ARHGAP42: variants seen among roughly 807,000 people sequenced by gnomAD.
The protein encoded by ARHGAP42 is rho GTPase-activating protein 42.
In ARHGAP42, 63 loss-of-function variants were observed where a neutral mutation model predicts 125.0. The ratio of observed to expected loss-of-function variants is 0.50; its 90% CI spans 0.41 to 0.62. The LOEUF (loss-of-function observed/expected upper bound fraction) is 0.62, where lower values mean the gene tolerates loss of function less well. Ranked by LOEUF, ARHGAP42 falls within the 20% of genes least tolerant of loss-of-function variation. The pLI is 0.00. For synonymous variants in ARHGAP42, 339 were observed against 351.0 expected (o/e 0.97, Z 0.38); for missense variants, 766 against 1,024.2 (o/e 0.75, Z 3.44).
chr11:100,723,711 CA>C (rs1861805006), intron 1 of ARHGAP42, among the ~76,000 whole-genome samples: 1 of 152,024 alleles, frequency 6.6e-6, no homozygotes, highest in African/African-American at 2.4e-5. Context: ...CATCTGTAAA[CA>C]AAAACTTTTT....
chr11:100,962,502 G>A, intron 16 of ARHGAP42, 35 bp downstream of exon 16: 2 of 1,492,014 alleles, frequency 1.3e-6, no homozygotes, highest in Non-Finnish European at 1.8e-6. Flanking sequence ...CATTATAATT[G>A]ATGTAGTTTT....
At chr11:100,881,802 G>A (rs1261546677) in intron 4 of ARHGAP42, among the ~76,000 whole-genome samples, 2 of 152,044 alleles carry the variant, frequency 1.3e-5, no homozygotes, top group East Asian at 1.9e-4. Context: ...ATCTTGGTTA[G>A]GTGTATTCCT....
In ARHGAP42 at chr11:100,749,867, C is replaced by T. The variant is rs145119781; in HGVS notation, c.155-20476C>T. 1.9e-3 allele frequency among the ~76,000 whole-genome samples: 287 copies of T among 152,246 alleles called. 3 individuals are homozygous for T. The highest frequency in any genetic ancestry group is 3.0e-3 in the Non-Finnish European group (203 of 68,018). On this transcript the variant is annotated intron_variant, in intron 1 of 23. Transcript: ENST00000298815. Reference sequence around the variant, plus strand: ...TTTGACCACCAAGGAGGTACTTTACCGGCTCCCGCAGCTTCTCCTTATTTG... The same window carrying T: ...TTTGACCACCAAGGAGGTACTTTACTGGCTCCCGCAGCTTCTCCTTATTTG...
intron 12 of ARHGAP42, among the ~76,000 whole-genome samples, chr11:100,958,215 G>A (rs562854472): frequency 6.6e-6 from 1 of 151,944 alleles, no homozygotes; most frequent in Non-Finnish European, 1.5e-5. Context: ...ATTTTAAAAT[G>A]TCTGAATGCT....
chr11:100,800,432 G>T (rs572401706), intron 3 of ARHGAP42, among the ~76,000 whole-genome samples: 20 of 152,282 alleles, frequency 1.3e-4, no homozygotes, highest in Non-Finnish European at 2.1e-4. Flanking sequence ...ATGTAGCTGA[G>T]CTGGGAGACA....
chr11:100,956,944 A>G (rs1485437772), intron 12 of ARHGAP42, among the ~76,000 whole-genome samples: 4 of 152,106 alleles, frequency 2.6e-5, no homozygotes, highest in Non-Finnish European at 4.4e-5. Context: ...TGCAGGAAGG[A>G]TGCCTTATTC....
At chr11:100,962,565 TC>T in intron 16 of ARHGAP42, 98 bp downstream of exon 16, 1 of 1,133,870 alleles carries the variant, frequency 8.8e-7, no homozygotes, top group Admixed American at 2.3e-5. Context: ...AAGATTTTTT[TC>T]AAGTATTGCT....
At chr11:100,713,691 A>T (rs919699234) in intron 1 of ARHGAP42, among the ~76,000 whole-genome samples, 15 of 152,202 alleles carry the variant, frequency 9.9e-5, no homozygotes, top group African/African-American at 3.4e-4. Context: ...ATTTTAAGGT[A>T]TTTACCCAAA....
At chr11:100,741,320 C>T (rs1449575530) in intron 1 of ARHGAP42, among the ~76,000 whole-genome samples, 4 of 152,128 alleles carry the variant, frequency 2.6e-5, no homozygotes, top group African/African-American at 9.7e-5. Flanking sequence ...CGTGAGCCAC[C>T]GCCCCTGGCC....
At chr11:100,796,390 T>G (rs58626072) in intron 3 of ARHGAP42, among the ~76,000 whole-genome samples, 36,753 of 152,108 alleles carry the variant, frequency 0.24, 4,631 homozygotes, top group Non-Finnish European at 0.28. Context: ...GCCTGAAACA[T>G]GAATATATTG....
chr11:100,725,969 G>A (rs139995640), intron 1 of ARHGAP42, among the ~76,000 whole-genome samples: 1 of 149,602 alleles, frequency 6.7e-6, no homozygotes, highest in East Asian at 2.0e-4. Flanking sequence ...ATGGTGGTGC[G>A]TACCTGTAGT....
chr11:100,831,981 C>T (rs112767350), intron 3 of ARHGAP42, among the ~76,000 whole-genome samples: 2,697 of 152,268 alleles, frequency 0.018, 39 homozygotes, highest in Non-Finnish European at 0.025. Flanking sequence ...TAGTAAATAA[C>T]GAATTTTTGT....
chr11:100,762,970 A>ATTTTTTTTTTT (rs553749625), intron 1 of ARHGAP42, among the ~76,000 whole-genome samples: 1 of 84,992 alleles, frequency 1.2e-5, no homozygotes, highest in Non-Finnish European at 2.2e-5. Flanking sequence ...GTTTATAGTG[A>ATTTTTTTTTTT]TTTTTTTTTT....
chr11:100,762,248 C>A (rs1475997694), intron 1 of ARHGAP42, among the ~76,000 whole-genome samples: 1 of 152,218 alleles, frequency 6.6e-6, no homozygotes, highest in Non-Finnish European at 1.5e-5. Flanking sequence ...GATTTACCAA[C>A]TTTAAAGTGC....
intron 2 of ARHGAP42, among the ~76,000 whole-genome samples, chr11:100,778,698 C>G (rs1012254805): frequency 6.6e-6 from 1 of 151,924 alleles, no homozygotes; most frequent in African/African-American, 2.4e-5. Context: ...GAGAGAGATG[C>G]TTTTATCATA....
At chr11:100,693,351 A>G (rs557718371) in intron 1 of ARHGAP42, among the ~76,000 whole-genome samples, 14 of 152,314 alleles carry the variant, frequency 9.2e-5, no homozygotes, top group Admixed American at 5.9e-4. Context: ...AAGTAATTGC[A>G]TCTTTCAGAT....
chr11:100,785,833 C>G (rs190868352), intron 2 of ARHGAP42, among the ~76,000 whole-genome samples: 6 of 152,298 alleles, frequency 3.9e-5, no homozygotes, highest in Admixed American at 3.9e-4. Flanking sequence ...TCTTTTCCTC[C>G]TGTAATGTAG....
chr11:100,695,676 T>G (rs1359945867), intron 1 of ARHGAP42, among the ~76,000 whole-genome samples: 1 of 152,222 alleles, frequency 6.6e-6, no homozygotes, highest in Non-Finnish European at 1.5e-5. Flanking sequence ...GTATTCTGAT[T>G]CTTTTATCAA....
intron 3 of ARHGAP42, among the ~76,000 whole-genome samples, chr11:100,842,820 G>T (rs1211040901): frequency 5.9e-5 from 9 of 151,744 alleles, no homozygotes; most frequent in African/African-American, 2.2e-4. Context: ...CAGCAAAGAC[G>T]GCGCTAAGAG....
Sources: gnomAD v4.1 joint callset for allele counts (sites outside exome capture counted in the v4.1 genomes callset) on GRCh38, gnomAD v4.1.1 for gene constraint, MANE v1.5 for transcripts, NCBI Gene and HGNC (gene_info 2026-07-23, HGNC 2026-07-21) for gene names.